Variants in PTPN13 observed in about 807,000 individuals in gnomAD.
The protein encoded by PTPN13 is protein tyrosine phosphatase non-receptor type 13, also known as tyrosine-protein phosphatase non-receptor type 13.
In PTPN13, 191 loss-of-function variants were observed where a neutral mutation model predicts 284.0. That is an observed-to-expected ratio of 0.67 (90% CI 0.60 to 0.76). The LOEUF is 0.76. Among genes scored for constraint, PTPN13 ranks in the 30% least tolerant of loss-of-function variants. The pLI is 0.00. For missense variants in PTPN13, 2,797 were observed against 2,939.9 expected (o/e 0.95, Z 1.12); for synonymous variants, 986 against 1,022.3 (o/e 0.96, Z 0.68).
chr4:86,767,993 C>A lies in PTPN13; in HGVS notation c.4489+17C>A, dbSNP rs957523381. ...TCACTGAAGGTCAGGCCTTGGGAGACTACAATCTCACCTTTAAATTATTCC... is the reference window on the plus strand; with the variant it reads ...TCACTGAAGGTCAGGCCTTGGGAGAATACAATCTCACCTTTAAATTATTCC... On this transcript the variant is annotated intron_variant, in intron 28 of 47. Transcript: ENST00000411767. 9 of 1,591,616 alleles carry A rather than the reference C, an allele frequency of 5.7e-6. No homozygotes were observed. The highest frequency in any genetic ancestry group is 1.7e-4 in the Middle Eastern group (1 of 5,950).
chr4:86,728,643 C>CTTTTTTTTTTTTT (rs57773658), intron 10 of PTPN13, among the ~76,000 whole-genome samples: 3 of 24,504 alleles, frequency 1.2e-4, no homozygotes, highest in South Asian at 1.4e-3. Context: ...CAACCCCTGC[C>CTTTTTTTTTTTTT]TTTTTTTTTT....
chr4:86,712,553 C>G (rs138538703), intron 7 of PTPN13, among the ~76,000 whole-genome samples: 4 of 151,978 alleles, frequency 2.6e-5, no homozygotes, highest in African/African-American at 9.7e-5. Context: ...ATTCTTACTA[C>G]TTCAGTTAAC....
At chr4:86,710,453 C>A (rs1180648171) in intron 7 of PTPN13, among the ~76,000 whole-genome samples, 1 of 152,184 alleles carries the variant, frequency 6.6e-6, no homozygotes, top group Admixed American at 6.5e-5. Context: ...TTAGATTCAT[C>A]TTAATGTGAA....
chr4:86,795,984 C>T (rs1224360364), intron 40 of PTPN13, among the ~76,000 whole-genome samples: 2 of 148,152 alleles, frequency 1.3e-5, no homozygotes, highest in Non-Finnish European at 3.0e-5. Flanking sequence ...CACATGTCTA[C>T]CTACATAACA....
chr4:86,628,490 A>ATT (rs55718911), intron 1 of PTPN13, among the ~76,000 whole-genome samples: 7,896 of 115,536 alleles, frequency 0.068, 265 homozygotes, highest in African/African-American at 0.089. Context: ...TTTGTGGTTC[A>ATT]TTTTTTTTTT....
chr4:86,598,610 G>A (rs978396914), intron 1 of PTPN13, among the ~76,000 whole-genome samples: 2 of 152,084 alleles, frequency 1.3e-5, no homozygotes, highest in African/African-American at 4.8e-5. Context: ...ACTTGAATCT[G>A]GCTGGTGAAA....
intron 6 of PTPN13, among the ~76,000 whole-genome samples, chr4:86,700,404 T>C (rs947166181): frequency 6.6e-6 from 1 of 152,158 alleles, no homozygotes. Flanking sequence ...TTGTTGAATC[T>C]ATGGATTCAC....
intron 20 of PTPN13, 116 bp downstream of exon 20, chr4:86,753,181 T>C (rs957299966): frequency 2.7e-5 from 18 of 670,494 alleles, no homozygotes; most frequent in Non-Finnish European, 3.5e-5. Context: ...TGATCTTACA[T>C]TGAAGTTAAA....
chr4:86,599,766 A>C (rs111504200), intron 1 of PTPN13, among the ~76,000 whole-genome samples: 1 of 152,096 alleles, frequency 6.6e-6, no homozygotes, highest in African/African-American at 2.4e-5. Flanking sequence ...TTTTTTATAC[A>C]TTTCCTCTTT....
intron 26 of PTPN13, 118 bp from the exon 27 acceptor site, chr4:86,766,314 C>T: frequency 1.4e-6 from 1 of 700,528 alleles, no homozygotes; most frequent in Non-Finnish European, 2.4e-6. Flanking sequence ...CTCTGTAACA[C>T]AATTTCTTCC....
intron 18 of PTPN13, 68 bp downstream of exon 18, chr4:86,750,955 A>T (rs10032979): frequency 0.1 from 157,195 of 1,562,998 alleles, 8,762 homozygotes; most frequent in Non-Finnish European, 0.11. Flanking sequence ...TCTTTTTGTT[A>T]TGACATTTTA....
At position 86,764,708 on chromosome 4, in the gene PTPN13, TGG is replaced by T; in HGVS notation, c.4136_4137del (p.Gly1379AspfsTer30). The T allele has an allele frequency of 6.2e-7, 1 of 1,606,390 alleles. No individual in the cohort carries two copies. Among genetic ancestry groups the T allele is most frequent in the Non-Finnish European group, 8.5e-7 (1 of 1,178,178 alleles). On this transcript the variant is annotated frameshift_variant, in exon 25 of 48. Coordinates refer to ENST00000411767, the MANE Select transcript of PTPN13 (RefSeq NM_080683.3). LOFTEE classifies it high-confidence loss of function. ...GAACTGGCTAAAAATGATAACAGCTTGGGGATAAGTGTCACGGTACTGTTTGA... is the reference window on the plus strand; with the variant it reads ...GAACTGGCTAAAAATGATAACAGCTTGGATAAGTGTCACGGTACTGTTTGA...
chr4:86,686,078 C>G (rs574268060), intron 3 of PTPN13, among the ~76,000 whole-genome samples: 1 of 152,130 alleles, frequency 6.6e-6, no homozygotes, highest in African/African-American at 2.4e-5. Flanking sequence ...ATGCAAGGTG[C>G]CTGCCAGGCG....
intron 1 of PTPN13, among the ~76,000 whole-genome samples, chr4:86,629,101 T>C (rs1722174072): frequency 1.3e-5 from 2 of 150,442 alleles, no homozygotes; most frequent in Non-Finnish European, 3.0e-5. Context: ...ACAAATGGGA[T>C]CTAATTAAAC....
rs1737300820 is a variant in PTPN13 at position 86,750,807 on chromosome 4, T to G, written c.2988T>G (p.Val996=). 3 of 1,613,616 alleles carry G rather than the reference T, an allele frequency of 1.9e-6. No homozygotes were observed. The highest frequency in any genetic ancestry group is 2.5e-6 in the Non-Finnish European group (3 of 1,179,818). ...IVNMEPPPQT[V]AELVGKPSHQ... ...ACATGGAACCCCCACCACAAACCGT[T>G]GCAGAGTTGGTGGGAAAACCTTCTC... Residue 996 remains valine (V), a synonymous_variant, in exon 18 of 48, where the codon GTT becomes GTG. Transcript: ENST00000411767.
At position 86,701,221 on chromosome 4, in the gene PTPN13, A is replaced by G. The variant is rs1185608831; in HGVS notation, c.635-20A>G. On this transcript the variant is annotated intron_variant, in intron 6 of 47. Coordinates refer to ENST00000411767, the MANE Select transcript of PTPN13 (RefSeq NM_080683.3). ...TTTCTAAAAATTGTGTGCATACATG[A>G]TAGATTCTTATCATTCCAGGAAGAA... The G allele has an allele frequency of 3.3e-6, 5 of 1,507,202 alleles. No individual in the cohort carries two copies. The highest frequency in any genetic ancestry group is 4.5e-6 in the Non-Finnish European group (5 of 1,123,220). The allele number at this position is 1,507,202 out of a possible 1,614,324, so 93.4% of individuals were successfully genotyped here.
intron 1 of PTPN13, among the ~76,000 whole-genome samples, chr4:86,597,166 CTTT>C (rs34114364): frequency 7.1e-6 from 1 of 141,570 alleles, no homozygotes; most frequent in African/African-American, 2.6e-5. Context: ...GCTGGGCTTC[CTTT>C]TTTTTTTTTT....
At chr4:86,597,956 T>C (rs940407068) in intron 1 of PTPN13, among the ~76,000 whole-genome samples, 1 of 152,208 alleles carries the variant, frequency 6.6e-6, no homozygotes, top group African/African-American at 2.4e-5. Context: ...AATTTTTGTT[T>C]TGTTTTGATT....
At position 86,696,313 on chromosome 4, in the gene PTPN13, T is replaced by C. The variant is rs1289846942; in HGVS notation, c.634+2639T>C. Among the ~76,000 whole-genome samples the C allele has an allele frequency of 3.3e-5, 5 of 151,982 alleles. No individual in the cohort carries two copies. In the East Asian group the frequency reaches 9.6e-4, roughly 29 times the overall value. ...TATTTGTTGACTGAACGAGAAAAGG[T>C]TTTATGGAAATACTGGATTTTGAAG... On this transcript the variant is annotated intron_variant, in intron 6 of 47. Transcript: ENST00000411767.
Sources: allele counts gnomAD v4.1 joint callset (sites outside exome capture counted in the v4.1 genomes callset), GRCh38; gene constraint gnomAD v4.1.1; transcripts MANE v1.5; gene names NCBI Gene and HGNC (gene_info 2026-07-23, HGNC 2026-07-21).